Variants in NRXN3 observed in about 807,000 individuals in gnomAD.
NRXN3 encodes neurexin 3, also known as neurexin III.
A neutral mutation model predicts 137.6 loss-of-function variants in NRXN3; 32 were observed. The observed-to-expected ratio is 0.23, with a 90% CI of 0.18 to 0.31. NRXN3 has a LOEUF of 0.31. Ranked by LOEUF, NRXN3 falls within the 10% of genes least tolerant of loss-of-function variation. The probability of loss-of-function intolerance (pLI) is 1.00; values close to 1 mark genes in which losing one functional copy is unlikely to be tolerated. For missense variants in NRXN3, 1,574 were observed against 2,062.5 expected, an observed-to-expected ratio of 0.76 and a Z score of 4.59; for synonymous variants, 798 against 784.5, an observed-to-expected ratio of 1.02 and a Z score of -0.29.
At position 78,845,905 on chromosome 14, in the gene NRXN3, G is replaced by GGTGTGTGT. The variant is rs3034390; in HGVS notation, c.2275+35586_2275+35593dup. On this transcript the variant is annotated intron_variant, in intron 10 of 20. Transcript: ENST00000335750. The stretch of plus-strand genomic sequence containing the variant: ...TTTCAGGACAGTATGAGTATGTTGG[G>GGTGTGTGT]GTGTGTGTGTGTGTGTGTGTGTGTG... 4.2e-3 allele frequency among the ~76,000 whole-genome samples: 619 copies of GGTGTGTGT among 146,336 alleles called. 5 individuals are homozygous for GGTGTGTGT. The highest frequency in any genetic ancestry group is 0.012 in the African/African-American group (497 of 40,224).
chr14:78,305,463 T>G (rs1322420712), intron 4 of NRXN3, among the ~76,000 whole-genome samples: 1 of 152,114 alleles, frequency 6.6e-6, no homozygotes, highest in Non-Finnish European at 1.5e-5. Flanking sequence ...GTAGATTTGA[T>G]CACTGGCCTT....
At chr14:78,443,726 A>C (rs1246000562) in intron 4 of NRXN3, among the ~76,000 whole-genome samples, 3 of 152,146 alleles carry the variant, frequency 2.0e-5, no homozygotes, top group African/African-American at 7.2e-5. Flanking sequence ...AATAATAAAT[A>C]CCCTCCTCTC....
intron 20 of NRXN3, among the ~76,000 whole-genome samples, chr14:79,846,392 T>C (rs931852245): frequency 6.6e-6 from 1 of 151,954 alleles, no homozygotes; most frequent in Admixed American, 6.6e-5. Context: ...TTACAGTAAA[T>C]AGAAAGGAGA....
chr14:78,190,436 A>G lies in NRXN3; in HGVS notation c.-704+19762A>G, dbSNP rs976610857. Among the ~76,000 whole-genome samples the G allele has an allele frequency of 3.3e-5, 5 of 152,196 alleles. 1 individual carries two copies. Among genetic ancestry groups the G allele is most frequent in the Non-Finnish European group, 5.9e-5 (4 of 68,038 alleles). ...AGAACCACTGTGACAGCCGATGCCC[A>G]TCTTTCAGGCTTTCCTCTAAGTCAC... is the stretch of plus-strand genomic sequence containing the variant. On this transcript the variant is annotated intron_variant, in intron 1 of 20. Transcript: ENST00000335750.
intron 4 of NRXN3, among the ~76,000 whole-genome samples, chr14:78,382,211 C>T (rs1225955555): frequency 6.6e-6 from 1 of 152,174 alleles, no homozygotes; most frequent in East Asian, 1.9e-4. Context: ...CAGATATTGC[C>T]TGCTGGCTAT....
At chr14:79,094,460 A>T (rs2049851125) in intron 15 of NRXN3, among the ~76,000 whole-genome samples, 1 of 152,232 alleles carries the variant, frequency 6.6e-6, no homozygotes, top group Non-Finnish European at 1.5e-5. Flanking sequence ...AGCAAAGTAG[A>T]TGCGATTGAA....
intron 4 of NRXN3, among the ~76,000 whole-genome samples, chr14:78,546,213 C>A (rs1021161390): frequency 1.3e-5 from 2 of 152,156 alleles, no homozygotes; most frequent in African/African-American, 4.8e-5. Flanking sequence ...TTCACACATC[C>A]CTGATAGTGA....
At chr14:78,549,020 A>C (rs1386820220) in intron 4 of NRXN3, among the ~76,000 whole-genome samples, 2 of 152,192 alleles carry the variant, frequency 1.3e-5, no homozygotes, top group Non-Finnish European at 2.9e-5. Context: ...CTCACTTCCC[A>C]GACTATACAT....
intron 15 of NRXN3, among the ~76,000 whole-genome samples, chr14:79,275,338 C>T (rs183993981): frequency 4.0e-5 from 6 of 151,856 alleles, no homozygotes; most frequent in Non-Finnish European, 5.9e-5. Flanking sequence ...GGGTCTTCAC[C>T]GAAAAAGCTT....
At chr14:78,882,763 G>A (rs906549011) in intron 10 of NRXN3, among the ~76,000 whole-genome samples, 3 of 151,584 alleles carry the variant, frequency 2.0e-5, no homozygotes, top group African/African-American at 7.3e-5. Context: ...AAGAATTTGG[G>A]GGACTGTTGA....
chr14:79,711,471 C>CTTA, intron 19 of NRXN3, among the ~76,000 whole-genome samples: 1 of 149,024 alleles, frequency 6.7e-6, no homozygotes, highest in African/African-American at 2.5e-5. Context: ...ATATTTATTT[C>CTTA]TTATTTATTT....
chr14:78,560,669 CTG>C (rs377292139), intron 4 of NRXN3, among the ~76,000 whole-genome samples: 2 of 152,232 alleles, frequency 1.3e-5, no homozygotes, highest in African/African-American at 4.8e-5. Context: ...AGTGCAGGCT[CTG>C]GGATGGAGAG....
intron 8 of NRXN3, among the ~76,000 whole-genome samples, chr14:78,778,868 G>A (rs941606177): frequency 1.4e-5 from 2 of 140,240 alleles, no homozygotes; most frequent in Non-Finnish European, 3.0e-5. Context: ...TCTCATTCAA[G>A]CATTAATGAC....
intron 15 of NRXN3, among the ~76,000 whole-genome samples, chr14:79,091,094 G>T (rs1462073661): frequency 1.3e-5 from 2 of 149,730 alleles, no homozygotes; most frequent in African/African-American, 4.9e-5. Flanking sequence ...AAAAAAAGTG[G>T]TCCAAAGCAG....
chr14:79,624,455 GTA>G (rs2098259746), intron 16 of NRXN3, among the ~76,000 whole-genome samples: 1 of 149,170 alleles, frequency 6.7e-6, no homozygotes, highest in Non-Finnish European at 1.5e-5. Context: ...ATATATATAT[GTA>G]TACATAGTGA....
intron 3 of NRXN3, among the ~76,000 whole-genome samples, chr14:78,285,448 A>G (rs1439886114): frequency 6.6e-6 from 1 of 152,140 alleles, no homozygotes; most frequent in Non-Finnish European, 1.5e-5. Context: ...CATTTCACCC[A>G]TGAACCAATT....
chr14:79,663,955 T>G lies in NRXN3; in HGVS notation c.3616+6T>G. The G allele has an allele frequency of 6.2e-7, 1 of 1,613,140 alleles. No homozygotes were observed. Among genetic ancestry groups the G allele is most frequent in the Non-Finnish European group, 8.5e-7 (1 of 1,179,412 alleles). On this transcript the variant is annotated splice_donor_region_variant and intron_variant, in intron 17 of 20. Transcript: ENST00000335750. ...GAATGAACATTATCCTACAGGTACATGTTGTTCGCTCAATGGTCCTACTCT... is the reference window on the plus strand; with the variant it reads ...GAATGAACATTATCCTACAGGTACAGGTTGTTCGCTCAATGGTCCTACTCT...
intron 19 of NRXN3, among the ~76,000 whole-genome samples, chr14:79,713,478 G>GTATA (rs76633474): frequency 0.2 from 27,450 of 135,010 alleles, 2,840 homozygotes; most frequent in Middle Eastern, 0.31. Flanking sequence ...TATATATAAT[G>GTATA]TATATATATA....
intron 5 of NRXN3, among the ~76,000 whole-genome samples, chr14:78,650,585 C>A (rs1158784529): frequency 6.6e-6 from 1 of 151,584 alleles, no homozygotes; most frequent in Non-Finnish European, 1.5e-5. Context: ...TCATCCATGA[C>A]CATATCAGAA....
Sources: gnomAD v4.1 joint callset for allele counts (sites outside exome capture counted in the v4.1 genomes callset) on GRCh38, gnomAD v4.1.1 for gene constraint, MANE v1.5 for transcripts, NCBI Gene and HGNC (gene_info 2026-07-23, HGNC 2026-07-21) for gene names.